The following FBXO11 variants were observed in gnomAD, a reference collection of about 807,000 sequenced individuals.
The protein encoded by FBXO11 is F-box only protein 11.
FBXO11 carries 13 observed loss-of-function variants against 117.0 expected under a neutral mutation model. The ratio of observed to expected loss-of-function variants is 0.11; its 90% CI spans 0.07 to 0.18. FBXO11 has a LOEUF of 0.18. Among genes scored for constraint, FBXO11 ranks in the 10% least tolerant of loss-of-function variants. The pLI, the probability that FBXO11 is intolerant of heterozygous loss-of-function variation, is 1.00. For synonymous variants in FBXO11, 490 were observed against 380.5 expected, an observed-to-expected ratio of 1.29 and a Z score of -3.35; for missense variants, 767 against 1,164.4, an observed-to-expected ratio of 0.66 and a Z score of 4.97.
At chr2:47,885,979 A>G (rs1209968910) in intron 1 of FBXO11, among the ~76,000 whole-genome samples, 1 of 136,636 alleles carries the variant, frequency 7.3e-6, no homozygotes, top group Non-Finnish European at 1.7e-5. Context: ...ACTCTCAAGT[A>G]TCTCATGTAT....
At position 47,874,489 on chromosome 2, in the gene FBXO11, C is replaced by G. The variant is rs116285813; in HGVS notation, c.232+31000G>C. On this transcript the variant is annotated intron_variant, in intron 1 of 22. Coordinates refer to ENST00000403359, the MANE Select transcript of FBXO11 (RefSeq NM_001190274.2). ...AAAGGAACTTAAATACAGCAAATAC[C>G]TCTTTGTACTAAGTAAGTTTAACAC... Among the ~76,000 whole-genome samples the G allele has an allele frequency of 2.8e-3, 421 of 152,028 alleles. 3 individuals carry two copies. The highest frequency in any genetic ancestry group is 9.6e-3 in the African/African-American group (399 of 41,490).
intron 1 of FBXO11, 178 bp downstream of exon 1, chr2:47,905,311 C>T (rs1253968876): frequency 5.6e-6 from 3 of 534,084 alleles, no homozygotes; most frequent in Non-Finnish European, 7.8e-6. Context: ...GCTTTTCCTG[C>T]CGGCCGGGCC....
At chr2:47,821,724 G>A (rs375858840) in intron 13 of FBXO11, among the ~76,000 whole-genome samples, 1 of 152,146 alleles carries the variant, frequency 6.6e-6, no homozygotes, top group East Asian at 1.9e-4. Context: ...GGCAGGGGTT[G>A]CTGTGAGGTG....
chr2:47,828,071 C>T (rs1185273218), intron 11 of FBXO11, among the ~76,000 whole-genome samples: 3 of 152,106 alleles, frequency 2.0e-5, no homozygotes, highest in Non-Finnish European at 4.4e-5. Context: ...CCTTGAACTT[C>T]TGGGCTCAAT....
chr2:47,886,313 T>C (rs1676841113), intron 1 of FBXO11, among the ~76,000 whole-genome samples: 1 of 152,048 alleles, frequency 6.6e-6, no homozygotes, highest in African/African-American at 2.4e-5. Context: ...AAGACCAGCC[T>C]GACCAACATG....
At chr2:47,862,172 C>A (rs148481109) in intron 1 of FBXO11, among the ~76,000 whole-genome samples, 2 of 152,106 alleles carry the variant, frequency 1.3e-5, no homozygotes, top group African/African-American at 4.8e-5. Context: ...CTGCCTGTTT[C>A]GGCCTCCCAA....
At chr2:47,901,958 G>A (rs532221222) in intron 1 of FBXO11, among the ~76,000 whole-genome samples, 7 of 151,990 alleles carry the variant, frequency 4.6e-5, no homozygotes, top group Non-Finnish European at 4.4e-5. Context: ...TTTTGAGACC[G>A]AGTCTTGCAC....
At chr2:47,821,726 TGTGAG>T (rs1671403283) in intron 13 of FBXO11, among the ~76,000 whole-genome samples, 1 of 152,064 alleles carries the variant, frequency 6.6e-6, no homozygotes, top group African/African-American at 2.4e-5. Flanking sequence ...CAGGGGTTGC[TGTGAG>T]GTGAGATTGT....
rs1257958644 is a variant in FBXO11, at chr2:47,832,630, T to C, written c.1202A>G (p.Lys401Arg). Residue 401 changes from lysine (K) to arginine (R), a missense_variant, in exon 10 of 23, where the codon AAG becomes AGG. By Grantham distance (26) the Lys-to-Arg change is conservative (BLOSUM62 2). Coordinates refer to ENST00000403359, the MANE Select transcript of FBXO11 (RefSeq NM_001190274.2). ...TTCACAGTCACTGATGTTACAGTGC[T>C]TGATGGTGGGACATGCTCCTTGACC... Reference protein sequence around the residue: ...VSGQGACPTIKHCNISDCENV... With the variant: ...VSGQGACPTIRHCNISDCENV... 20 of 1,613,850 alleles carry C rather than the reference T, an allele frequency of 1.2e-5. No individual in the cohort carries two copies. The highest frequency in any genetic ancestry group is 2.7e-5 in the African/African-American group (2 of 74,920).
rs183640947 is a variant in FBXO11, at chr2:47,834,193, T to C, written c.934+386A>G. On this transcript the variant is annotated intron_variant, in intron 7 of 22. Transcript: ENST00000403359. ...GGCGAAACCCTATCTCTGCTAAAAA[T>C]ACAAAAATTAGCCACGCATGGTGGT... 2.1e-3 allele frequency among the ~76,000 whole-genome samples: 323 copies of C among 152,090 alleles called. 1 individual carries two copies. Among genetic ancestry groups the C allele is most frequent in the Middle Eastern group, 0.01 (3 of 294 alleles).
chr2:47,900,581 C>CGT (rs1206336442), intron 1 of FBXO11, among the ~76,000 whole-genome samples: 1 of 116,584 alleles, frequency 8.6e-6, no homozygotes, highest in Non-Finnish European at 2.1e-5. Context: ...CGTATACACA[C>CGT]ATATATACGT....
chr2:47,906,001 G>C lies in FBXO11; in HGVS notation c.-281C>G. The C allele has an allele frequency of 2.7e-6, 1 of 375,902 alleles. No individual in the cohort carries two copies. Among genetic ancestry groups the C allele is most frequent in the Non-Finnish European group, 4.8e-6 (1 of 206,740 alleles). The allele number at this position is 375,902 out of a possible 1,614,324, so 23.3% of individuals were successfully genotyped here. On this transcript the variant is annotated 5_prime_UTR_variant, in exon 1 of 23. Transcript: ENST00000403359. ...GGGGCGGCCGCGAGGGACGAAGGCA[G>C]AAAGACGGGCAGACCGAGAGAAAGA...
At position 47,835,855 on chromosome 2, in the gene FBXO11, C is replaced by A. The variant is rs182017112; in HGVS notation, c.717+17G>T. The A allele has an allele frequency of 1.2e-3, 1,816 of 1,563,992 alleles. 1 individual carries two copies. Among genetic ancestry groups the A allele is most frequent in the Non-Finnish European group, 1.5e-3 (1,756 of 1,145,530 alleles). On this transcript the variant is annotated intron_variant, in intron 5 of 22. Coordinates refer to ENST00000403359, the MANE Select transcript of FBXO11 (RefSeq NM_001190274.2). ...AATGTATAATATAAACCAATATATT[C>A]TATTTATATTTCATACCAACTGCTG...
intron 16 of FBXO11, among the ~76,000 whole-genome samples, chr2:47,817,759 G>T (rs974838669): frequency 6.6e-6 from 1 of 152,228 alleles, no homozygotes; most frequent in African/African-American, 2.4e-5. Context: ...GCTGCTTGGT[G>T]GAACAGTCAG....
At chr2:47,823,427 A>G (rs1671522258) in intron 11 of FBXO11, 67 bp from the exon 12 acceptor site, 1 of 1,198,152 alleles carries the variant, frequency 8.3e-7, no homozygotes, top group African/African-American at 1.5e-5. Flanking sequence ...GCCATTTAAA[A>G]AACATTTCAA....
intron 1 of FBXO11, among the ~76,000 whole-genome samples, chr2:47,893,166 TTAAA>T (rs369987358): frequency 1.4e-5 from 2 of 141,478 alleles, no homozygotes; most frequent in East Asian, 3.9e-4. Context: ...AAAAAATAAA[TTAAA>T]TAAATAAATA....
intron 4 of FBXO11, among the ~76,000 whole-genome samples, chr2:47,837,426 C>A (rs1288584732): frequency 6.6e-6 from 1 of 152,182 alleles, no homozygotes; most frequent in African/African-American, 2.4e-5. Context: ...ACTCAGGAGG[C>A]TGAGGCAGGA....
intron 1 of FBXO11, among the ~76,000 whole-genome samples, chr2:47,889,883 T>A (rs1298315986): frequency 6.6e-6 from 1 of 152,334 alleles, no homozygotes; most frequent in East Asian, 1.9e-4. Flanking sequence ...GCATACTAAA[T>A]TTTTCATCTT....
intron 1 of FBXO11, among the ~76,000 whole-genome samples, chr2:47,887,665 A>G (rs1186537394): frequency 1.3e-5 from 2 of 152,074 alleles, no homozygotes; most frequent in African/African-American, 4.8e-5. Flanking sequence ...GTTCAAGGCC[A>G]TTCTGGGCAA....
Sources: allele counts gnomAD v4.1 joint callset (sites outside exome capture counted in the v4.1 genomes callset), GRCh38; gene constraint gnomAD v4.1.1; transcripts MANE v1.5; gene names NCBI Gene and HGNC (gene_info 2026-07-23, HGNC 2026-07-21).